KIF22: variants seen among roughly 807,000 people sequenced by gnomAD.
The protein encoded by KIF22 is kinesin-like protein KIF22.
KIF22 carries 62 observed loss-of-function variants against 73.0 expected under a neutral mutation model. The observed-to-expected ratio is 0.85, with a 90% confidence interval of 0.69 to 1.05. The LOEUF (loss-of-function observed/expected upper bound fraction) is 1.05. Ranked by LOEUF, KIF22 falls within the 50% of genes least tolerant of loss-of-function variation. The pLI, the probability that KIF22 is intolerant of heterozygous loss-of-function variation, is 0.00. For synonymous variants in KIF22, 411 were observed against 340.1 expected (o/e 1.21, Z -2.29); for missense variants, 854 against 870.1 (o/e 0.98, Z 0.23).
intron 8 of KIF22, among the ~76,000 whole-genome samples, chr16:29,801,292 C>T (rs568114665): frequency 1.3e-5 from 2 of 152,322 alleles, no homozygotes; most frequent in East Asian, 3.9e-4. Context: ...GCGCTATTCC[C>T]TCCACCCCCC....
At position 29,798,754 on chromosome 16, in the gene KIF22, C is replaced by T. The variant is rs1405775913; in HGVS notation, c.549+7C>T. ...AGAGATCTACCAGGAGAAGGTGAGG[C>T]CCCGTGCTGGTTGGGAGAGGAGCAA... On this transcript the variant is annotated splice_region_variant and intron_variant, in intron 4 of 13. Coordinates refer to ENST00000160827, the MANE Select transcript of KIF22 (RefSeq NM_007317.3). This position sits in a 1 kb window ranked among gnomAD's most constrained non-coding sequence, Gnocchi z 4.1. The T allele has an allele frequency of 6.2e-7, 1 of 1,612,688 alleles. No individual in the cohort carries two copies. Among genetic ancestry groups the T allele is most frequent in the Non-Finnish European group, 8.5e-7 (1 of 1,179,284 alleles).
intron 1 of KIF22, 51 bp from the exon 2 acceptor site, chr16:29,796,839 GCTT>G (rs1449164122): frequency 3.2e-5 from 50 of 1,581,380 alleles, no homozygotes; most frequent in Non-Finnish European, 4.0e-5. Flanking sequence ...GTTGGTCCCT[GCTT>G]CTTCTGCTAC....
rs750783800 is a variant in KIF22 at position 29,798,585 on chromosome 16, CT to C, written c.395-6del. The C allele has an allele frequency of 2.3e-4, 372 of 1,613,740 alleles. 2 individuals carry two copies. Among genetic ancestry groups the C allele is most frequent in the Non-Finnish European group, 3.1e-4 (369 of 1,179,906 alleles). On this transcript the variant is annotated splice_polypyrimidine_tract_variant and splice_region_variant and intron_variant, in intron 3 of 13. Coordinates refer to ENST00000160827, the MANE Select transcript of KIF22 (RefSeq NM_007317.3). This position sits in a 1 kb window ranked among gnomAD's most constrained non-coding sequence, Gnocchi z 4.1. The stretch of plus-strand genomic sequence containing the variant: ...AAAACCTCACAGTTTTCTCCACTCT[CT>C]TCCCAGGGAAGACGCACACAATGCT...
rs1899032758 is a variant in KIF22 at position 29,799,041 on chromosome 16, C to G, written c.616C>G (p.Leu206Val). ...CCGAGAAGACTGCCGGGGGAATATC[C>G]TGATTCCGGGTCTCTCCCAGAAGCC... ...VIREDCRGNILIPGLSQKPIS... is the reference protein window; with the variant it reads ...VIREDCRGNIVIPGLSQKPIS... Residue 206 changes from leucine (L) to valine (V), a missense_variant, in exon 5 of 14, where the codon CTG becomes GTG. Leu to Val is a conservative substitution (Grantham distance 32). Transcript: ENST00000160827. 6.2e-7 allele frequency: 1 copy of G among 1,614,176 alleles called. No individual in the cohort carries two copies. Among genetic ancestry groups the G allele is most frequent in the Non-Finnish European group, 8.5e-7 (1 of 1,180,022 alleles).
At chr16:29,802,160 A>G (rs1462268886) in intron 8 of KIF22, among the ~76,000 whole-genome samples, 1 of 149,120 alleles carries the variant, frequency 6.7e-6, no homozygotes, top group East Asian at 2.0e-4. Flanking sequence ...CCAGCTACTC[A>G]GGAGGCTGAG....
chr16:29,799,300 C>T lies in KIF22; in HGVS notation c.796C>T (p.Arg266Ter), dbSNP rs769166321. ...QRERLAPFRQ[R>*]EGKLYLIDLA... ...GGAACGTTTGGCCCCATTTCGCCAG[C>T]GAGAGGGAAAACTCTACCTGATTGA... is the stretch of plus-strand genomic sequence containing the variant. Residue 266 changes from arginine (R) to a stop codon, truncating the protein, a stop_gained, in exon 6 of 14, where the codon CGA becomes TGA. Transcript: ENST00000160827. LOFTEE classifies it high-confidence loss of function. 3 of 1,614,000 alleles carry T rather than the reference C, an allele frequency of 1.9e-6. No individual in the cohort carries two copies. Among genetic ancestry groups the T allele is most frequent in the Non-Finnish European group, 2.5e-6 (3 of 1,180,008 alleles).
rs1246098357 is a variant in KIF22 at position 29,799,017 on chromosome 16, C to T, written c.592C>T (p.Arg198Ter). Reference sequence around the variant, plus strand: ...CCCTGCTTCGGGAGACCTGGTAATCCGAGAAGACTGCCGGGGGAATATCCT... The same window carrying T: ...CCCTGCTTCGGGAGACCTGGTAATCTGAGAAGACTGCCGGGGGAATATCCT... ...LDPASGDLVIREDCRGNILIP... is the reference protein window; with the variant it reads ...LDPASGDLVI The change falls in exon 5 of 14, where the codon CGA becomes TGA. Residue 198 changes from arginine to a stop codon, truncating the protein, a stop_gained. Transcript: ENST00000160827. LOFTEE classifies it high-confidence loss of function. 3.1e-6 allele frequency: 5 copies of T among 1,614,184 alleles called. No individual in the cohort carries two copies. The highest frequency in any genetic ancestry group is 3.4e-6 in the Non-Finnish European group (4 of 1,180,038).
intron 1 of KIF22, chr16:29,791,381 T>A: frequency 2.7e-6 from 1 of 370,000 alleles, no homozygotes; most frequent in Non-Finnish European, 3.7e-6. Context: ...AATAAAAGAC[T>A]AAAATTTCCT....
rs779754683 is a variant in KIF22, at chr16:29,790,822, G to C, written c.63G>C (p.Ala21=). 27 of 1,601,560 alleles carry C rather than the reference G, an allele frequency of 1.7e-5. No individual in the cohort carries two copies. Among genetic ancestry groups the C allele is most frequent in the Non-Finnish European group, 2.3e-5 (27 of 1,174,354 alleles). The change falls in exon 1 of 14, where the codon GCG becomes GCC. Residue 21 remains alanine, a synonymous_variant. Coordinates refer to ENST00000160827, the MANE Select transcript of KIF22 (RefSeq NM_007317.3). ...AGATGGCGGCAGCTTCAGCGGCGGC[G>C]ATCTCAGGTACTTGAGCCCGGCCTG... ...RREMAAASAA[A]ISGAGRCRLS... is the part of the protein sequence containing the mutation.
intron 9 of KIF22, 94 bp from the exon 10 acceptor site, chr16:29,803,355 G>T (rs1046449737): frequency 2.0e-6 from 3 of 1,474,664 alleles, no homozygotes; most frequent in African/African-American, 2.8e-5. Context: ...CCCTCTGGGG[G>T]CTCAGAGCCT....
chr16:29,791,167 C>T, intron 1 of KIF22: 1 of 1,203,062 alleles, frequency 8.3e-7, no homozygotes, highest in Admixed American at 4.3e-5. Context: ...CCTGAATAAG[C>T]AAGAGAAGAG....
chr16:29,801,270 C>A (rs934128181), intron 8 of KIF22, among the ~76,000 whole-genome samples: 1 of 152,168 alleles, frequency 6.6e-6, no homozygotes, highest in Non-Finnish European at 1.5e-5. Flanking sequence ...TGTGTCTGGC[C>A]ACTTAGCCCT....
In KIF22 at chr16:29,798,871, G is replaced by C. The variant is rs1460521393; in HGVS notation, c.550-104G>C. On this transcript the variant is annotated intron_variant, in intron 4 of 13. Coordinates refer to ENST00000160827, the MANE Select transcript of KIF22 (RefSeq NM_007317.3). The surrounding 1 kb of genome is among the most constrained non-coding windows in gnomAD (Gnocchi z 4.1). Reference sequence around the variant, plus strand: ...ACCTAGAAAGACAGAGACTGGGGTAGCAGATGGTACAACTCCGAGAATAGA... The same window carrying C: ...ACCTAGAAAGACAGAGACTGGGGTACCAGATGGTACAACTCCGAGAATAGA... The C allele has an allele frequency of 6.6e-7, 1 of 1,524,302 alleles. No homozygotes were observed. The highest frequency in any genetic ancestry group is 9.0e-7 in the Non-Finnish European group (1 of 1,107,618). 94.4% of individuals were successfully genotyped at this position (1,524,302 alleles called of 1,614,324 possible).
At position 29,805,109 on chromosome 16, in the gene KIF22, C is replaced by G. The variant is rs780853571; in HGVS notation, c.1891-6C>G. 1.9e-6 allele frequency: 3 copies of G among 1,613,298 alleles called. No individual in the cohort carries two copies. The highest frequency in any genetic ancestry group is 1.3e-5 in the African/African-American group (1 of 74,734). On this transcript the variant is annotated splice_polypyrimidine_tract_variant and splice_region_variant and intron_variant, in intron 12 of 13. Coordinates refer to ENST00000160827, the MANE Select transcript of KIF22 (RefSeq NM_007317.3). ...ACCCTGTCCCCTATCGATCCTGTCC[C>G]GCCAGGTGGAGGACCTGGAACGCGT...
chr16:29,797,656 AGAGTT>A lies in KIF22; in HGVS notation c.266+573_266+577del, dbSNP rs1174233064. On this transcript the variant is annotated intron_variant, in intron 2 of 13. Transcript: ENST00000160827. The surrounding 1 kb of genome is among the most constrained non-coding windows in gnomAD (Gnocchi z 4.1). ...ATAGCTGCTTTCTGACTACAGTGGC[AGAGTT>A]GAGTAGTTGTAAAAGGAACACATGG... Among the ~76,000 whole-genome samples, 2 of 152,186 alleles carry A rather than the reference AGAGTT, an allele frequency of 1.3e-5. No homozygotes were observed. Among genetic ancestry groups the A allele is most frequent in the African/African-American group, 4.8e-5 (2 of 41,430 alleles).
chr16:29,794,587 C>CA (rs1555498940), intron 1 of KIF22, among the ~76,000 whole-genome samples: 4 of 150,042 alleles, frequency 2.7e-5, no homozygotes, highest in Middle Eastern at 3.2e-3. Context: ...TTTCAATTAT[C>CA]TTTTTTTTTT....
At position 29,802,907 on chromosome 16, in the gene KIF22, G is replaced by A. The variant is rs1899191390; in HGVS notation, c.1419G>A (p.Lys473=). Residue 473 remains lysine (K), a synonymous_variant, in exon 9 of 14, where the codon AAG becomes AAA. Transcript: ENST00000160827. ...TPKRERMVLM[K]TVEEKDLEIE... ...AGCGAGAGCGGATGGTGCTAATGAA[G>A]ACAGTGGAAGAGAAGGACCTAGAGA... 1.2e-6 allele frequency: 2 copies of A among 1,612,518 alleles called. No individual in the cohort carries two copies. The highest frequency in any genetic ancestry group is 2.2e-5 in the East Asian group (1 of 44,818).
In KIF22 at chr16:29,798,586, T is replaced by A. The variant is rs749613241; in HGVS notation, c.395-7T>A. The A allele has an allele frequency of 1.2e-6, 2 of 1,613,150 alleles. No individual in the cohort carries two copies. Among genetic ancestry groups the A allele is most frequent in the Admixed American group, 3.3e-5 (2 of 60,008 alleles). On this transcript the variant is annotated splice_region_variant and splice_polypyrimidine_tract_variant and intron_variant, in intron 3 of 13. Transcript: ENST00000160827. The surrounding 1 kb of genome is among the most constrained non-coding windows in gnomAD (Gnocchi z 4.1). ...AAACCTCACAGTTTTCTCCACTCTCTTCCCAGGGAAGACGCACACAATGCT... is the reference window on the plus strand; with the variant it reads ...AAACCTCACAGTTTTCTCCACTCTCATCCCAGGGAAGACGCACACAATGCT...
intron 8 of KIF22, 151 bp from the exon 9 acceptor site, chr16:29,802,618 C>A (rs1899180712): frequency 2.9e-6 from 2 of 685,140 alleles, no homozygotes; most frequent in Admixed American, 3.9e-5. Flanking sequence ...GATGAAGACA[C>A]TGCACCCAGA....
Sources: gnomAD v4.1 joint callset for allele counts (sites outside exome capture counted in the v4.1 genomes callset) on GRCh38, gnomAD v4.1.1 for gene constraint, Gnocchi (gnomAD v3.1) non-coding constraint, MANE v1.5 for transcripts, NCBI Gene and HGNC (gene_info 2026-07-23, HGNC 2026-07-21) for gene names.